Variants in TC2N observed in about 807,000 individuals in gnomAD.
TC2N encodes the protein tandem C2 domains, nuclear.
In TC2N, 51 loss-of-function variants were observed where a neutral mutation model predicts 61.9. That is an observed-to-expected ratio of 0.82 (90% CI 0.66 to 1.04). TC2N has a LOEUF of 1.04. Ranked by LOEUF, TC2N falls within the 50% of genes least tolerant of loss-of-function variation. TC2N has a pLI of 0.00. For synonymous variants in TC2N, 204 were observed against 192.6 expected (o/e 1.06, Z -0.49); for missense variants, 556 against 566.7 (o/e 0.98, Z 0.19).
intron 1 of TC2N, among the ~76,000 whole-genome samples, chr14:91,819,961 TAAAAG>T (rs1362986916): frequency 6.6e-6 from 1 of 151,262 alleles, no homozygotes; most frequent in African/African-American, 2.4e-5. Context: ...ACTCAATTAA[TAAAAG>T]AAAGCAGAAA....
At chr14:91,849,503 C>T (rs1290243865) in intron 1 of TC2N, among the ~76,000 whole-genome samples, 1 of 152,164 alleles carries the variant, frequency 6.6e-6, no homozygotes, top group Non-Finnish European at 1.5e-5. Flanking sequence ...GAATTCACCT[C>T]TACTTTTCCC....
At position 91,780,762 on chromosome 14, in the gene TC2N, C is replaced by G. The variant is rs1297787482; in HGVS notation, c.*2338G>C. 1 of 152,142 alleles carries G rather than the reference C, an allele frequency of 6.6e-6. No homozygotes were observed. The highest frequency in any genetic ancestry group is 1.5e-5 in the Non-Finnish European group (1 of 68,006). 9.4% of individuals were successfully genotyped at this position (152,142 alleles called of 1,614,324 possible). On this transcript the variant is annotated 3_prime_UTR_variant, in exon 12 of 12. Coordinates refer to ENST00000435962, the MANE Select transcript of TC2N (RefSeq NM_001128596.3). ...TTTTGGCATAGAATCTCATTTTTTA[C>G]TACCAGCTCCTAACGTTTTTCTCAC...
chr14:91,785,175 T>C lies in TC2N; in HGVS notation c.1349A>G (p.His450Arg). ...LYSRSSVRRK[H>R]FVGQIWISED... ...ACTCCTACTAACCTGGCCCACAAAG[T>C]GTTTTCTTCTTACAGAGCTTCGACT... Residue 450 changes from histidine (H) to arginine (R), a missense_variant, in exon 11 of 12, where the codon CAC becomes CGC. Physicochemically the swap from His to Arg is conservative, Grantham distance 29 (BLOSUM62 0). Transcript: ENST00000435962. 1 of 1,612,454 alleles carries C rather than the reference T, an allele frequency of 6.2e-7. No homozygotes were observed. Among genetic ancestry groups the C allele is most frequent in the Non-Finnish European group, 8.5e-7 (1 of 1,178,990 alleles).
At chr14:91,846,955 G>T (rs773842679) in intron 1 of TC2N, among the ~76,000 whole-genome samples, 4 of 152,088 alleles carry the variant, frequency 2.6e-5, no homozygotes, top group Non-Finnish European at 2.9e-5. Context: ...AACCCAATTC[G>T]AATGGTCATA....
At chr14:91,841,753 G>A (rs1448822042) in intron 1 of TC2N, among the ~76,000 whole-genome samples, 5 of 152,106 alleles carry the variant, frequency 3.3e-5, no homozygotes, top group Non-Finnish European at 1.5e-5. Context: ...CCTGTACAGG[G>A]CTTCAGGATG....
chr14:91,808,987 A>G (rs1886646232), intron 3 of TC2N, among the ~76,000 whole-genome samples: 1 of 152,206 alleles, frequency 6.6e-6, no homozygotes, highest in African/African-American at 2.4e-5. Context: ...ATGAAAAAAA[A>G]AGAGAAAGAT....
chr14:91,852,559 CCCA>C (rs1447021973), intron 1 of TC2N, among the ~76,000 whole-genome samples: 2 of 152,158 alleles, frequency 1.3e-5, no homozygotes, highest in Non-Finnish European at 2.9e-5. Context: ...TTTTGTTACC[CCCA>C]CCAATAGATC....
At chr14:91,816,063 T>A (rs906636275) in intron 1 of TC2N, among the ~76,000 whole-genome samples, 1 of 151,820 alleles carries the variant, frequency 6.6e-6, no homozygotes, top group African/African-American at 2.4e-5. Flanking sequence ...CATCTTTTGT[T>A]ATTAGAAGTA....
chr14:91,796,281 C>T (rs1452196474), intron 8 of TC2N, among the ~76,000 whole-genome samples: 2 of 151,918 alleles, frequency 1.3e-5, no homozygotes, highest in Non-Finnish European at 2.9e-5. Context: ...TACATATATA[C>T]ACATTCATAC....
chr14:91,830,543 AGAAG>A (rs1209237925), intron 1 of TC2N, among the ~76,000 whole-genome samples: 2 of 152,332 alleles, frequency 1.3e-5, no homozygotes, highest in African/African-American at 4.8e-5. Flanking sequence ...CCAGTGACTG[AGAAG>A]GAAGAGGCAA....
chr14:91,799,139 C>T lies in TC2N; in HGVS notation c.562-75G>A. The T allele has an allele frequency of 4.4e-6, 4 of 901,270 alleles. No individual in the cohort carries two copies. In the South Asian group the frequency reaches 6.3e-5, roughly 14 times the overall value. 55.8% of individuals were successfully genotyped at this position (901,270 alleles called of 1,614,324 possible). A position where few individuals can be genotyped will look rare whatever the true frequency, so the allele number is the denominator to read the frequency against. On this transcript the variant is annotated intron_variant, in intron 5 of 11. Coordinates refer to ENST00000435962, the MANE Select transcript of TC2N (RefSeq NM_001128596.3). ...GATTCTGATACATATGCCTCAATAT[C>T]CATCCTAGTAACAAACTGCATGCTA...
chr14:91,841,801 T>C (rs1187947049), intron 1 of TC2N, among the ~76,000 whole-genome samples: 2 of 152,142 alleles, frequency 1.3e-5, no homozygotes, highest in Non-Finnish European at 2.9e-5. Flanking sequence ...TCAATTCCAC[T>C]TTCAGACCTT....
chr14:91,864,509 A>G (rs997105944), intron 1 of TC2N, among the ~76,000 whole-genome samples: 6 of 152,346 alleles, frequency 3.9e-5, no homozygotes, highest in African/African-American at 1.4e-4. Flanking sequence ...CACCTACCCT[A>G]TTTTAAAGCA....
intron 8 of TC2N, 49 bp downstream of exon 8, chr14:91,797,736 T>A (rs3783826): frequency 2.0e-4 from 174 of 888,746 alleles, no homozygotes; most frequent in South Asian, 4.8e-4. Flanking sequence ...GTGACAAATA[T>A]AAAAAAAAAA....
chr14:91,829,844 G>A (rs1887671897), intron 1 of TC2N, among the ~76,000 whole-genome samples: 1 of 152,096 alleles, frequency 6.6e-6, no homozygotes, highest in African/African-American at 2.4e-5. Context: ...TTGTTTACCA[G>A]ACCATTTTCA....
chr14:91,863,535 G>A (rs962413646), intron 1 of TC2N, among the ~76,000 whole-genome samples: 5 of 152,150 alleles, frequency 3.3e-5, no homozygotes, highest in East Asian at 1.9e-4. Flanking sequence ...GCTTGAAGTG[G>A]GGGGCTTACA....
Position 91,797,826 on chromosome 14 carries a change from TG to T in TC2N, c.813del (p.Lys272AsnfsTer34). On this transcript the variant is annotated frameshift_variant, in exon 8 of 12. Coordinates refer to ENST00000435962, the MANE Select transcript of TC2N (RefSeq NM_001128596.3). LOFTEE classifies it high-confidence loss of function. ...GCTGAAGATTTGAAATGCACTGGTT[TG>T]GGCAATGTAAGTATTCCTTTTATAG... ...TVSIKGILTL[P>X]KPVHFKSSAK... is the part of the protein sequence containing the mutation. 7.4e-6 allele frequency: 12 copies of T among 1,611,072 alleles called. No individual in the cohort carries two copies. Among genetic ancestry groups the T allele is most frequent in the Non-Finnish European group, 9.3e-6 (11 of 1,178,392 alleles).
chr14:91,847,235 G>A (rs1888288781), intron 1 of TC2N, among the ~76,000 whole-genome samples: 1 of 150,194 alleles, frequency 6.7e-6, no homozygotes, highest in Non-Finnish European at 1.5e-5. Context: ...TCCAGCCTAG[G>A]TGACAGAGCA....
At position 91,812,348 on chromosome 14, in the gene TC2N, T is replaced by C. The variant is rs1357285206; in HGVS notation, c.265A>G (p.Thr89Ala). The C allele has an allele frequency of 1.9e-6, 3 of 1,611,992 alleles. No homozygotes were observed. The African/African-American group carries it at 4.0e-5, about 22-fold the overall frequency. ...TCCAGATGTGAAGGAGTTTCTTGTG[T>C]CCTGGGTTGAATGTAAGATAACTTA... ...KFKLSYIQPR[T>A]QETPSHLEEL... Residue 89 changes from threonine to alanine, a missense_variant, in exon 3 of 12, where the codon ACA becomes GCA. Thr to Ala is a moderately conservative substitution (Grantham distance 58). Transcript: ENST00000435962.
Sources: gnomAD v4.1 joint callset for allele counts (sites outside exome capture counted in the v4.1 genomes callset) on GRCh38, gnomAD v4.1.1 for gene constraint, MANE v1.5 for transcripts, NCBI Gene and HGNC (gene_info 2026-07-23, HGNC 2026-07-21) for gene names.